SYTL5: variants seen among roughly 807,000 people sequenced by gnomAD.
SYTL5 encodes the protein synaptotagmin like 5, also known as synaptotagmin-like protein 5.
A neutral mutation model predicts 55.9 loss-of-function variants in SYTL5; 34 were observed. The ratio of observed to expected loss-of-function variants is 0.61; its 90% confidence interval spans 0.46 to 0.81. The LOEUF (loss-of-function observed/expected upper bound fraction) is 0.81, where lower values mean the gene tolerates loss of function less well. Among genes scored for constraint, SYTL5 ranks in the 30% least tolerant of loss-of-function variants. SYTL5 has a pLI of 0.00. For missense variants in SYTL5, 637 were observed against 546.7 expected (o/e 1.17, Z -1.65); for synonymous variants, 221 against 188.7 (o/e 1.17, Z -1.40).
chrX:38,113,573 G>A (rs773275098), intron 13 of SYTL5, among the ~76,000 whole-genome samples: 1 of 111,568 alleles, frequency 9.0e-6, no homozygotes, highest in South Asian at 3.9e-4. Context: ...TCCATGCTCA[G>A]ATAGTCTCAG....
the SYTL5 span, among the ~76,000 whole-genome samples, chrX:37,953,631 A>T: frequency 9.0e-6 from 1 of 111,262 alleles, no homozygotes. Context: ...AGAAAAAAAA[A>T]GGAGTTTTTT....
chrX:37,910,967 C>CTTTT, the SYTL5 span, among the ~76,000 whole-genome samples: 1 of 82,727 alleles, frequency 1.2e-5, no homozygotes, highest in African/African-American at 5.5e-5. Flanking sequence ...GATAGCATTA[C>CTTTT]TTTTTTTTTT....
At chrX:37,990,923 T>A in the SYTL5 span, 1 of 1,211,805 alleles carries the variant, frequency 8.3e-7, no homozygotes, top group Admixed American at 2.2e-5. Context: ...TACAGGTCCC[T>A]AGGAGCTTCG....
At chrX:37,930,087 C>T in the SYTL5 span, among the ~76,000 whole-genome samples, 1 of 111,395 alleles carries the variant, frequency 9.0e-6, no homozygotes, top group Non-Finnish European at 1.9e-5. Context: ...GTAAGGGCAC[C>T]TATTAGGGCC....
intron 3 of SYTL5, among the ~76,000 whole-genome samples, chrX:38,057,441 G>A (rs780725660): frequency 1.9e-4 from 21 of 111,600 alleles, no homozygotes; most frequent in Non-Finnish European, 3.4e-4. Flanking sequence ...ATCAGGTAAC[G>A]TGATTCCTCT....
chrX:37,991,404 G>A, the SYTL5 span: 654 of 631,582 alleles, frequency 1.0e-3, 2 homozygotes, highest in Non-Finnish European at 1.3e-3. Flanking sequence ...AGAGCTGAAG[G>A]CGGGGAAGGG....
intron 13 of SYTL5, among the ~76,000 whole-genome samples, chrX:38,119,293 A>G (rs966275680): frequency 9.0e-6 from 1 of 111,466 alleles, no homozygotes; most frequent in African/African-American, 3.3e-5. Flanking sequence ...TTCTAATACC[A>G]CATGTCCCTC....
chrX:38,043,690 T>TATATATATATACAC (rs1366385489), intron 2 of SYTL5, among the ~76,000 whole-genome samples: 3,187 of 69,309 alleles, frequency 0.046, 118 homozygotes, highest in Non-Finnish European at 0.062. Context: ...TATATATATA[T>TATATATATATACAC]ACATATATAT....
the SYTL5 span, among the ~76,000 whole-genome samples, chrX:37,892,522 C>A: frequency 1.0e-5 from 1 of 96,662 alleles, no homozygotes; most frequent in Non-Finnish European, 2.0e-5. Context: ...GTTATATATA[C>A]ATATATAGTA....
chrX:38,023,540 C>A (rs1934638687), intron 1 of SYTL5, among the ~76,000 whole-genome samples: 1 of 111,701 alleles, frequency 9.0e-6, no homozygotes, highest in African/African-American at 3.3e-5. Flanking sequence ...ATGCATATAT[C>A]TACTGCATTG....
At chrX:38,045,529 G>A (rs1461624588) in intron 2 of SYTL5, among the ~76,000 whole-genome samples, 3 of 111,440 alleles carry the variant, frequency 2.7e-5, no homozygotes, top group Admixed American at 9.6e-5. Flanking sequence ...GAGATTTTCC[G>A]GTATATTCCT....
chrX:38,004,629 G>A (rs987204087), upstream of SYTL5, among the ~76,000 whole-genome samples: 1 of 111,397 alleles, frequency 9.0e-6, no homozygotes, highest in Non-Finnish European at 1.9e-5. Flanking sequence ...GCAACAACAT[G>A]GATGGAACTG....
chrX:38,100,855 G>T (rs983610025), intron 9 of SYTL5, among the ~76,000 whole-genome samples: 1 of 110,904 alleles, frequency 9.0e-6, no homozygotes, highest in Non-Finnish European at 1.9e-5. Context: ...TGTATACTGT[G>T]GTGTGTGTAT....
intron 11 of SYTL5, among the ~76,000 whole-genome samples, chrX:38,107,867 T>C (rs1937256930): frequency 9.0e-6 from 1 of 111,552 alleles, no homozygotes; most frequent in Admixed American, 9.5e-5. Flanking sequence ...TGGAAAGGGG[T>C]CTTCTAAAAC....
chrX:37,991,998 G>T, the SYTL5 span, among the ~76,000 whole-genome samples: 1 of 112,201 alleles, frequency 8.9e-6, no homozygotes, highest in Non-Finnish European at 1.9e-5. Flanking sequence ...GGCAATTCAA[G>T]AAGTTCTTAA....
the SYTL5 span, among the ~76,000 whole-genome samples, chrX:37,896,695 C>T: frequency 4.5e-5 from 5 of 111,719 alleles, no homozygotes. Flanking sequence ...TGAATGAGGC[C>T]ATTCTGGATC....
the SYTL5 span, among the ~76,000 whole-genome samples, chrX:37,951,403 A>T: frequency 9.0e-6 from 1 of 111,468 alleles, no homozygotes; most frequent in Non-Finnish European, 1.9e-5. Context: ...TTTTTAAAAA[A>T]ATCAGTCATT....
At chrX:37,980,822 G>C in the SYTL5 span, among the ~76,000 whole-genome samples, 1 of 112,105 alleles carries the variant, frequency 8.9e-6, no homozygotes, top group East Asian at 2.8e-4. Flanking sequence ...CAGTATATAG[G>C]ATGGAATCTC....
chrX:37,927,605 C>G, the SYTL5 span, among the ~76,000 whole-genome samples: 1 of 109,455 alleles, frequency 9.1e-6, no homozygotes, highest in Non-Finnish European at 1.9e-5. Flanking sequence ...GAAGCCTCGT[C>G]TCTACTGAAA....
Sources: gnomAD v4.1 joint callset for allele counts (sites outside exome capture counted in the v4.1 genomes callset) on GRCh38, gnomAD v4.1.1 for gene constraint, MANE v1.5 for transcripts, NCBI Gene and HGNC (gene_info 2026-07-23, HGNC 2026-07-21) for gene names.